UBE2D2: variants seen among roughly 807,000 people sequenced by gnomAD.
The protein encoded by UBE2D2 is ubiquitin conjugating enzyme E2 D2, also known as ubiquitin-conjugating enzyme E2 D2.
UBE2D2 carries 2 observed loss-of-function variants against 24.2 expected under a neutral mutation model. The observed-to-expected ratio is 0.08, with a 90% CI of 0.03 to 0.26. UBE2D2 has a LOEUF of 0.26. UBE2D2 is among the 10% of genes least tolerant of loss of function. UBE2D2 has a pLI of 1.00. For synonymous variants in UBE2D2, 58 were observed against 56.5 expected (o/e 1.03, Z -0.12); for missense variants, 44 against 177.6 (o/e 0.25, Z 4.28).
chr5:139,588,720 T>C (rs1753783581), intron 1 of UBE2D2, among the ~76,000 whole-genome samples: 1 of 152,224 alleles, frequency 6.6e-6, no homozygotes, highest in Non-Finnish European at 1.5e-5. Flanking sequence ...CTGGAAGCTG[T>C]CAACATTGTC....
At chr5:139,626,185 C>T (rs922480741) in intron 6 of UBE2D2, among the ~76,000 whole-genome samples, 3 of 152,078 alleles carry the variant, frequency 2.0e-5, no homozygotes, top group Non-Finnish European at 4.4e-5. Context: ...CTTCCCACCT[C>T]AGCCTCCTGA....
intron 1 of UBE2D2, among the ~76,000 whole-genome samples, chr5:139,528,287 G>C: frequency 6.6e-6 from 1 of 151,924 alleles, no homozygotes; most frequent in East Asian, 1.9e-4. Context: ...TGTGGCACTT[G>C]TGCTTTAGTC....
intron 1 of UBE2D2, among the ~76,000 whole-genome samples, chr5:139,576,182 A>G (rs1467050437): frequency 6.6e-6 from 1 of 152,220 alleles, no homozygotes; most frequent in Non-Finnish European, 1.5e-5. Flanking sequence ...TAGGGTTGCC[A>G]TAATAAATTA....
intron 1 of UBE2D2, among the ~76,000 whole-genome samples, chr5:139,545,674 T>C (rs1752818287): frequency 6.6e-6 from 1 of 150,378 alleles, no homozygotes; most frequent in African/African-American, 2.5e-5. Context: ...TCCACTCGCC[T>C]CGACCTCCCA....
chr5:139,541,068 C>T (rs1013192744), intron 1 of UBE2D2, among the ~76,000 whole-genome samples: 28 of 150,530 alleles, frequency 1.9e-4, no homozygotes, highest in Non-Finnish European at 3.5e-4. Context: ...GAGGCTAAGG[C>T]GGGTGGATTG....
intron 1 of UBE2D2, 47 bp from the exon 2 acceptor site, chr5:139,600,325 A>T (rs757881406): frequency 1.3e-6 from 2 of 1,582,070 alleles, no homozygotes; most frequent in African/African-American, 2.7e-5. Flanking sequence ...AATGGATAAA[A>T]GGTACATTTA....
At chr5:139,588,833 A>G (rs1753785727) in intron 1 of UBE2D2, among the ~76,000 whole-genome samples, 1 of 152,008 alleles carries the variant, frequency 6.6e-6, no homozygotes, top group African/African-American at 2.4e-5. Flanking sequence ...TGCAGTGGCT[A>G]CTCATTGCAG....
intron 1 of UBE2D2, among the ~76,000 whole-genome samples, chr5:139,592,070 C>T (rs1381541183): frequency 2.0e-5 from 3 of 152,032 alleles, no homozygotes; most frequent in South Asian, 4.2e-4. Context: ...GGCCTGGTGG[C>T]GGGCGCCTGT....
At chr5:139,621,198 A>G (rs911242662) in intron 5 of UBE2D2, among the ~76,000 whole-genome samples, 5 of 152,250 alleles carry the variant, frequency 3.3e-5, no homozygotes, top group Admixed American at 3.3e-4. Context: ...AGCCAAGATC[A>G]TGCCACTGCA....
At chr5:139,602,043 T>G (rs956939136) in intron 2 of UBE2D2, among the ~76,000 whole-genome samples, 7 of 152,136 alleles carry the variant, frequency 4.6e-5, no homozygotes, top group Non-Finnish European at 1.0e-4. Context: ...ATGTTTAATA[T>G]TTTTTTGTTT....
intron 1 of UBE2D2, among the ~76,000 whole-genome samples, chr5:139,528,230 G>A (rs1041667088): frequency 1.3e-5 from 2 of 152,156 alleles, no homozygotes; most frequent in African/African-American, 2.4e-5. Flanking sequence ...GTGGATGTGT[G>A]GTGGTATTGT....
intron 1 of UBE2D2, among the ~76,000 whole-genome samples, chr5:139,541,339 C>T (rs1010548409): frequency 5.4e-5 from 8 of 149,084 alleles, no homozygotes; most frequent in African/African-American, 9.9e-5. Context: ...TGGTGGCTCA[C>T]GCTTATAATC....
chr5:139,533,160 A>G (rs1033864171), intron 1 of UBE2D2, among the ~76,000 whole-genome samples: 12 of 152,144 alleles, frequency 7.9e-5, no homozygotes, highest in South Asian at 2.1e-4. Context: ...ATATCCTTCA[A>G]TAGGGGATAT....
At chr5:139,590,779 CTTCTTTTTTTTTT>C (rs1753829361) in intron 1 of UBE2D2, among the ~76,000 whole-genome samples, 3 of 55,994 alleles carry the variant, frequency 5.4e-5, no homozygotes, top group Non-Finnish European at 1.1e-4. Flanking sequence ...ATTTTCTCTT[CTTCTTTTTTTTTT>C]TTTTTTTTTT....
chr5:139,622,354 C>T (rs897269142), intron 5 of UBE2D2, among the ~76,000 whole-genome samples: 2 of 151,676 alleles, frequency 1.3e-5, no homozygotes, highest in Non-Finnish European at 2.9e-5. Flanking sequence ...AAGCGATTCT[C>T]CAGCCTCAGC....
chr5:139,574,749 AAAAAG>A (rs912379420), intron 1 of UBE2D2, among the ~76,000 whole-genome samples: 16 of 150,886 alleles, frequency 1.1e-4, no homozygotes, highest in South Asian at 2.1e-4. Flanking sequence ...AAAAAAAAAA[AAAAAG>A]AAAAGAAAAG....
chr5:139,600,473 CAG>C (rs1561516343), intron 2 of UBE2D2, 38 bp downstream of exon 2: 1 of 1,602,102 alleles, frequency 6.2e-7, no homozygotes, highest in East Asian at 2.2e-5. Context: ...AATAGCATAA[CAG>C]TGGTTATTTT....
intron 1 of UBE2D2, among the ~76,000 whole-genome samples, chr5:139,539,199 A>G (rs1047439226): frequency 1.3e-5 from 2 of 151,750 alleles, no homozygotes; most frequent in Non-Finnish European, 2.9e-5. Context: ...TAATTTTTGT[A>G]TTTTTAGTAG....
At chr5:139,572,642 T>A (rs893520922) in intron 1 of UBE2D2, among the ~76,000 whole-genome samples, 1 of 151,276 alleles carries the variant, frequency 6.6e-6, no homozygotes, top group Non-Finnish European at 1.5e-5. Context: ...AAATTAATTA[T>A]TATTCTTTTT....
Sources: gnomAD v4.1 joint callset for allele counts (sites outside exome capture counted in the v4.1 genomes callset) on GRCh38, gnomAD v4.1.1 for gene constraint, MANE v1.5 for transcripts, NCBI Gene and HGNC (gene_info 2026-07-23, HGNC 2026-07-21) for gene names.